The following BCAS3 variants were observed in gnomAD, a reference collection of about 807,000 sequenced individuals.
BCAS3 encodes the protein BCAS3 microtubule associated cell migration factor.
In BCAS3, 53 loss-of-function variants were observed where a neutral mutation model predicts 116.1. The ratio of observed to expected loss-of-function variants is 0.46; its 90% CI spans 0.37 to 0.57. The LOEUF (loss-of-function observed/expected upper bound fraction) is 0.57. Among genes scored for constraint, BCAS3 ranks in the 20% least tolerant of loss-of-function variants. BCAS3 has a pLI of 0.00. For missense variants in BCAS3, 917 were observed against 1,165.4 expected, an observed-to-expected ratio of 0.79 and a Z score of 3.10; for synonymous variants, 391 against 408.2, an observed-to-expected ratio of 0.96 and a Z score of 0.51.
chr17:61,057,276 G>A (rs1383599321), intron 19 of BCAS3, among the ~76,000 whole-genome samples: 1 of 152,208 alleles, frequency 6.6e-6, no homozygotes, highest in Non-Finnish European at 1.5e-5. Context: ...AAACCCTGTA[G>A]TTCAGCCTTT....
At chr17:61,003,380 C>A (rs1198602069) in intron 15 of BCAS3, among the ~76,000 whole-genome samples, 1 of 132,414 alleles carries the variant, frequency 7.6e-6, no homozygotes, top group Non-Finnish European at 1.6e-5. Context: ...ATGCCCTCCC[C>A]TCCCCTCCCC....
In BCAS3 at chr17:61,028,358, T is replaced by C. The variant is rs8080142; in HGVS notation, c.1638-6308T>C. On this transcript the variant is annotated intron_variant, in intron 16 of 23. Transcript: ENST00000407086. The surrounding 1 kb of genome is among the most constrained non-coding windows in gnomAD (Gnocchi z 4.3). ...ACAAGAATATAAATCTCATGAAAGT[T>C]GATCTTTATTCATTTTGTTAACCAG... Among the ~76,000 whole-genome samples, 51,432 of 151,726 alleles carry C rather than the reference T, an allele frequency of 0.34. 14,474 individuals are homozygous for C. The highest frequency in any genetic ancestry group is 0.78 in the African/African-American group (32,327 of 41,432).
rs1191008972 is a variant in BCAS3, at chr17:61,268,595, T to G, written c.2426-99732T>G. 2.0e-5 allele frequency among the ~76,000 whole-genome samples: 3 copies of G among 151,194 alleles called. No individual in the cohort carries two copies. In the East Asian group the frequency reaches 5.8e-4, roughly 29 times the overall value. ...TTCTGGGTTTTTTTTGTTTTTTTTG[T>G]TTTTTGAGACACAGCCTCATTCTGT... On this transcript the variant is annotated intron_variant, in intron 22 of 23. Transcript: ENST00000407086.
In BCAS3 at chr17:61,282,157, G is replaced by C. The variant is rs1568744767; in HGVS notation, c.2426-86170G>C. 6.6e-6 allele frequency among the ~76,000 whole-genome samples: 1 copy of C among 152,140 alleles called. No individual in the cohort carries two copies. Among genetic ancestry groups the C allele is most frequent in the South Asian group, 2.1e-4 (1 of 4,822 alleles). Reference sequence around the variant, plus strand: ...TTTTTAAAGTATAAAGAAATTATTTGGGACAGTTTTTCAGTGAACACATTC... The same window carrying C: ...TTTTTAAAGTATAAAGAAATTATTTCGGACAGTTTTTCAGTGAACACATTC... On this transcript the variant is annotated intron_variant, in intron 22 of 23. Transcript: ENST00000407086. The surrounding 1 kb of genome is among the most constrained non-coding windows in gnomAD (Gnocchi z 5.9).
intron 2 of BCAS3, among the ~76,000 whole-genome samples, chr17:60,680,310 T>C (rs572698650): frequency 9.9e-4 from 150 of 152,250 alleles, no homozygotes; most frequent in South Asian, 2.5e-3. Context: ...CAAGGGTACA[T>C]GTGCAGGTTT....
chr17:61,100,530 T>G (rs2074258669), intron 22 of BCAS3, among the ~76,000 whole-genome samples: 1 of 152,232 alleles, frequency 6.6e-6, no homozygotes, highest in Non-Finnish European at 1.5e-5. Context: ...TCTTAAACTT[T>G]TACTGTTATG....
chr17:60,742,994 TC>T (rs1307989762), intron 5 of BCAS3, among the ~76,000 whole-genome samples: 1 of 150,524 alleles, frequency 6.6e-6, no homozygotes, highest in Non-Finnish European at 1.5e-5. Context: ...GTGCCTGTAG[TC>T]CCAGCTACTT....
At chr17:61,184,364 G>C (rs1449670875) in intron 22 of BCAS3, among the ~76,000 whole-genome samples, 1 of 144,300 alleles carries the variant, frequency 6.9e-6, no homozygotes, top group Non-Finnish European at 1.6e-5. Context: ...ACAAAAAAAA[G>C]ACATGAAGAG....
In BCAS3 at chr17:61,136,500, A is replaced by G. The variant is rs1313694342; in HGVS notation, c.2425+51936A>G. On this transcript the variant is annotated intron_variant, in intron 22 of 23. Coordinates refer to ENST00000407086, the MANE Select transcript of BCAS3 (RefSeq NM_017679.5). The surrounding 1 kb of genome is among the most constrained non-coding windows in gnomAD (Gnocchi z 4.4). ...TGGCCTCTACCCGTTAGATAGCAGC[A>G]CGCCCCCTTCCCTCAGATGCCTCCA... is the stretch of plus-strand genomic sequence containing the variant. Among the ~76,000 whole-genome samples, 2 of 152,182 alleles carry G rather than the reference A, an allele frequency of 1.3e-5. No homozygotes were observed. The highest frequency in any genetic ancestry group is 4.8e-5 in the African/African-American group (2 of 41,438).
In BCAS3 at chr17:61,217,828, G is replaced by A. The variant is rs559792126; in HGVS notation, c.2425+133264G>A. On this transcript the variant is annotated intron_variant, in intron 22 of 23. Transcript: ENST00000407086. This position sits in a 1 kb window ranked among gnomAD's most constrained non-coding sequence, Gnocchi z 5.2. ...GTAATTTTTTACAGAAATTCCTAGC[G>A]CCAAGCACAAAATAAACTAGAAAAG... is the stretch of plus-strand genomic sequence containing the variant. Among the ~76,000 whole-genome samples the A allele has an allele frequency of 5.9e-5, 9 of 152,046 alleles. No homozygotes were observed. Among genetic ancestry groups the A allele is most frequent in the South Asian group, 4.2e-4 (2 of 4,798 alleles).
At chr17:60,725,596 G>A (rs2039740041) in intron 5 of BCAS3, among the ~76,000 whole-genome samples, 1 of 152,152 alleles carries the variant, frequency 6.6e-6, no homozygotes, top group Non-Finnish European at 1.5e-5. Flanking sequence ...GGGGCCATTT[G>A]GCTATTTTTT....
chr17:60,750,746 T>G (rs1367464643), intron 6 of BCAS3, among the ~76,000 whole-genome samples: 3 of 152,182 alleles, frequency 2.0e-5, no homozygotes, highest in Non-Finnish European at 4.4e-5. Flanking sequence ...CTTGTGATAG[T>G]TGTACTGAAT....
At chr17:60,837,926 C>T (rs1012747035) in intron 7 of BCAS3, among the ~76,000 whole-genome samples, 1 of 152,172 alleles carries the variant, frequency 6.6e-6, no homozygotes, top group African/African-American at 2.4e-5. Flanking sequence ...GCTGGGATTA[C>T]AGGTGTGAGC....
Position 60,962,146 on chromosome 17 carries a change from G to A in BCAS3, c.1221+14794G>A, listed in dbSNP as rs78592895. Among the ~76,000 whole-genome samples the A allele has an allele frequency of 0.012, 1,895 of 152,236 alleles. 15 individuals are homozygous for A. Among genetic ancestry groups the A allele is most frequent in the Middle Eastern group, 0.024 (7 of 294 alleles). On this transcript the variant is annotated intron_variant, in intron 14 of 23. Transcript: ENST00000407086. The surrounding 1 kb of genome is among the most constrained non-coding windows in gnomAD (Gnocchi z 4.4). The stretch of plus-strand genomic sequence containing the variant: ...TTGTGAACAGTGCTGCAATAAACAT[G>A]GAAGTACAGATATCCCCTAGATGCA...
At chr17:60,970,065 G>A (rs2061871760) in intron 14 of BCAS3, among the ~76,000 whole-genome samples, 2 of 152,150 alleles carry the variant, frequency 1.3e-5, no homozygotes, top group Non-Finnish European at 2.9e-5. Flanking sequence ...ATTTCTTGTT[G>A]AATAGAAAGG....
At chr17:60,703,903 A>G (rs1179125348) in intron 4 of BCAS3, among the ~76,000 whole-genome samples, 1 of 150,386 alleles carries the variant, frequency 6.6e-6, no homozygotes, top group Non-Finnish European at 1.5e-5. Context: ...GGCAACGAAG[A>G]CAGACACCGT....
intron 3 of BCAS3, among the ~76,000 whole-genome samples, chr17:60,686,215 T>C (rs145948869): frequency 2.9e-4 from 44 of 152,246 alleles, no homozygotes; most frequent in Non-Finnish European, 1.5e-5. Flanking sequence ...GAACAGTGCT[T>C]TCTAACATTT....
chr17:61,001,496 CTT>C (rs907741879), intron 15 of BCAS3, among the ~76,000 whole-genome samples: 14 of 152,148 alleles, frequency 9.2e-5, no homozygotes, highest in African/African-American at 3.4e-4. Context: ...TGTTTCTTGA[CTT>C]TTCTTTCCAC....
Position 61,034,697 on chromosome 17 carries a change from A to G in BCAS3, c.1669A>G (p.Ser557Gly), listed in dbSNP as rs1161017714. 6.2e-7 allele frequency: 1 copy of G among 1,611,426 alleles called. No individual in the cohort carries two copies. Among genetic ancestry groups the G allele is most frequent in the East Asian group, 2.2e-5 (1 of 44,828 alleles). Residue 557 changes from serine to glycine, a missense_variant, in exon 17 of 24, where the codon AGC becomes GGC. Around this residue, in one of 3 missense-constraint regions of BCAS3, gnomAD observed 807 missense variants for 1,026.0 expected, o/e 0.79. Transcript: ENST00000407086. The surrounding 1 kb of genome is among the most constrained non-coding windows in gnomAD (Gnocchi z 5.0). ...KVKPPPQISP[S>G]KSMGGEFCVA... ...TAAACCTCCTCCACAAATTTCACCC[A>G]GCAAATCGATGGGCGGAGAATTTTG... is the stretch of plus-strand genomic sequence containing the variant.
Sources: gnomAD v4.1 joint callset for allele counts (sites outside exome capture counted in the v4.1 genomes callset) on GRCh38, gnomAD v4.1.1 for gene constraint, gnomAD v4.1.1 regional missense constraint, Gnocchi (gnomAD v3.1) non-coding constraint, MANE v1.5 for transcripts, NCBI Gene and HGNC (gene_info 2026-07-23, HGNC 2026-07-21) for gene names.